ZBTB7C: variants seen among roughly 807,000 people sequenced by gnomAD.
ZBTB7C encodes zinc finger and BTB domain containing 7C, also known as zinc finger and BTB domain-containing protein 7C.
Under a neutral mutation model 25.7 loss-of-function variants are expected in ZBTB7C, and 8 were observed. The observed-to-expected ratio is 0.31, with a 90% CI of 0.18 to 0.56. The LOEUF (loss-of-function observed/expected upper bound fraction) is 0.56. Ranked by LOEUF, ZBTB7C falls within the 20% of genes least tolerant of loss-of-function variation. The pLI is 0.91. For missense variants in ZBTB7C, 824 were observed against 855.2 expected, an observed-to-expected ratio of 0.96 and a Z score of 0.46; for synonymous variants, 394 against 369.0, an observed-to-expected ratio of 1.07 and a Z score of -0.78.
intron 2 of ZBTB7C, among the ~76,000 whole-genome samples, chr18:48,296,074 G>C (rs1033081166): frequency 6.6e-6 from 1 of 152,318 alleles, no homozygotes; most frequent in Non-Finnish European, 1.5e-5. Flanking sequence ...GTTCCCTCCT[G>C]GGGCTGCACC....
At position 48,273,920 on chromosome 18, in the gene ZBTB7C, A is replaced by G. The variant is rs184033708; in HGVS notation, c.-79+64254T>C. On this transcript the variant is annotated intron_variant, in intron 2 of 4. Coordinates refer to ENST00000590800, the MANE Select transcript of ZBTB7C (RefSeq NM_001318841.2). ...ATAAGAAGGTGTTATTTTGCTAACA[A>G]AAGACAACATTAAAACTATCAAAAG... Among the ~76,000 whole-genome samples, 3 of 152,320 alleles carry G rather than the reference A, an allele frequency of 2.0e-5. No homozygotes were observed. The East Asian group carries it at 5.8e-4, about 29-fold the overall frequency.
intron 2 of ZBTB7C, among the ~76,000 whole-genome samples, chr18:48,259,812 T>C (rs2044120386): frequency 6.6e-6 from 1 of 152,206 alleles, no homozygotes; most frequent in African/African-American, 2.4e-5. Flanking sequence ...CACAATGATA[T>C]ATCCCTCCAC....
chr18:48,252,716 T>C (rs531928336), intron 2 of ZBTB7C: 2 of 152,442 alleles, frequency 1.3e-5, no homozygotes, highest in South Asian at 2.1e-4. Context: ...TCATTCTGGA[T>C]GATGTGGCGT....
chr18:48,356,179 G>A (rs750212881), intron 1 of ZBTB7C, among the ~76,000 whole-genome samples: 38 of 152,172 alleles, frequency 2.5e-4, no homozygotes, highest in Non-Finnish European at 5.0e-4. Context: ...TTTCCAGCTA[G>A]GGAAGGGGCA....
chr18:48,083,094 T>C lies in ZBTB7C; in HGVS notation c.-16-41971A>G, dbSNP rs536513453. On this transcript the variant is annotated intron_variant, in intron 3 of 4. Coordinates refer to ENST00000590800, the MANE Select transcript of ZBTB7C (RefSeq NM_001318841.2). ...TTCATGACCAGGATATACATCTGCG[T>C]GTGAAGACCTGAAATAAAAGTATTG... 4.9e-4 allele frequency among the ~76,000 whole-genome samples: 75 copies of C among 152,340 alleles called. 1 individual carries two copies. In the South Asian group the frequency reaches 0.012, roughly 25 times the overall value.
intron 3 of ZBTB7C, among the ~76,000 whole-genome samples, chr18:48,095,204 A>G (rs1297999328): frequency 6.6e-6 from 1 of 152,192 alleles, no homozygotes; most frequent in Non-Finnish European, 1.5e-5. Context: ...GAGTCCTTGG[A>G]TTCTCATGGC....
chr18:48,141,148 C>G (rs1204968609), intron 3 of ZBTB7C, among the ~76,000 whole-genome samples: 11 of 146,824 alleles, frequency 7.5e-5, no homozygotes, highest in Non-Finnish European at 4.5e-5. Flanking sequence ...CCCGCACCAC[C>G]CCCCCCACTG....
chr18:48,394,353 G>A (rs1221715502), intron 1 of ZBTB7C, among the ~76,000 whole-genome samples: 5 of 152,168 alleles, frequency 3.3e-5, no homozygotes, highest in Non-Finnish European at 7.3e-5. Context: ...TAGCTTGAAA[G>A]AGCAATTTCT....
intron 2 of ZBTB7C, among the ~76,000 whole-genome samples, chr18:48,315,439 G>A (rs1348269519): frequency 6.6e-6 from 1 of 152,164 alleles, no homozygotes; most frequent in African/African-American, 2.4e-5. Context: ...GATGTCCAAG[G>A]TAGTCAGTTT....
intron 3 of ZBTB7C, among the ~76,000 whole-genome samples, chr18:48,085,851 C>G (rs919003135): frequency 2.0e-5 from 3 of 152,238 alleles, no homozygotes; most frequent in Non-Finnish European, 4.4e-5. Flanking sequence ...CTGCCTGGCT[C>G]CAGCAGCAGA....
chr18:48,367,371 T>TTAA (rs2047269027), intron 1 of ZBTB7C, among the ~76,000 whole-genome samples: 9 of 113,408 alleles, frequency 7.9e-5, no homozygotes, highest in Non-Finnish European at 1.8e-4. Flanking sequence ...TATATATATA[T>TTAA]AAAATACAAA....
intron 3 of ZBTB7C, among the ~76,000 whole-genome samples, chr18:48,125,991 TGC>T (rs1479820836): frequency 3.3e-5 from 5 of 152,206 alleles, no homozygotes; most frequent in Non-Finnish European, 7.3e-5. Flanking sequence ...AGAGAAGCAC[TGC>T]GCACCGTGCA....
At chr18:48,189,684 C>T (rs763163150) in intron 2 of ZBTB7C, among the ~76,000 whole-genome samples, 1 of 152,212 alleles carries the variant, frequency 6.6e-6, no homozygotes, top group Non-Finnish European at 1.5e-5. Flanking sequence ...ACCTCTGCAG[C>T]CAGAACAAGG....
intron 2 of ZBTB7C, among the ~76,000 whole-genome samples, chr18:48,212,139 G>C (rs542800369): frequency 6.6e-6 from 1 of 152,308 alleles, no homozygotes; most frequent in South Asian, 2.1e-4. Context: ...AGGATCACTA[G>C]AGCCCAGGTG....
At chr18:48,046,464 A>G (rs1442739871) in intron 3 of ZBTB7C, among the ~76,000 whole-genome samples, 1 of 152,224 alleles carries the variant, frequency 6.6e-6, no homozygotes, top group African/African-American at 2.4e-5. Flanking sequence ...TTAAGTAAAA[A>G]GCCAAAGTCA....
chr18:48,108,013 T>A (rs2039094871), intron 3 of ZBTB7C, among the ~76,000 whole-genome samples: 1 of 152,190 alleles, frequency 6.6e-6, no homozygotes, highest in Non-Finnish European at 1.5e-5. Flanking sequence ...ATCTTTCCCC[T>A]AACTATCTGT....
At chr18:48,108,801 G>A (rs1568224965) in intron 3 of ZBTB7C, among the ~76,000 whole-genome samples, 1 of 152,012 alleles carries the variant, frequency 6.6e-6, no homozygotes, top group Non-Finnish European at 1.5e-5. Context: ...CTGGGGCTTG[G>A]GGCTTAGGAC....
chr18:48,039,466 C>T (rs2036119407), intron 4 of ZBTB7C, among the ~76,000 whole-genome samples: 1 of 152,180 alleles, frequency 6.6e-6, no homozygotes, highest in African/African-American at 2.4e-5. Flanking sequence ...GAGGACGGCC[C>T]CTGGCATGCA....
chr18:48,335,314 C>A (rs1422761376), intron 2 of ZBTB7C, among the ~76,000 whole-genome samples: 1 of 152,150 alleles, frequency 6.6e-6, no homozygotes, highest in East Asian at 1.9e-4. Flanking sequence ...CGTCACGGGG[C>A]AATTATTCAT....
Sources: allele counts gnomAD v4.1 joint callset (sites outside exome capture counted in the v4.1 genomes callset), GRCh38; gene constraint gnomAD v4.1.1; transcripts MANE v1.5; gene names NCBI Gene and HGNC (gene_info 2026-07-23, HGNC 2026-07-21).